Variants in CEP89 observed in about 807,000 individuals in gnomAD.
CEP89 encodes the protein centrosomal protein 89.
CEP89 carries 95 observed loss-of-function variants against 97.6 expected under a neutral mutation model. That is an observed-to-expected ratio of 0.97 (90% confidence interval 0.82 to 1.15). The LOEUF is 1.15. Ranked by LOEUF, CEP89 falls within the 50% of genes most tolerant of loss-of-function variation. CEP89 has a pLI of 0.00. For synonymous variants in CEP89, 354 were observed against 349.1 expected (o/e 1.01, Z -0.16); for missense variants, 869 against 947.7 (o/e 0.92, Z 1.09).
intron 9 of CEP89, among the ~76,000 whole-genome samples, chr19:32,930,220 A>G (rs778798424): frequency 2.6e-5 from 4 of 151,638 alleles, no homozygotes; most frequent in Non-Finnish European, 5.9e-5. Context: ...CATAGATGGG[A>G]ATTCACCATG....
At chr19:32,946,768 T>C (rs6510310) in intron 5 of CEP89, among the ~76,000 whole-genome samples, 137,194 of 152,178 alleles carry the variant, frequency 0.9, 62,025 homozygotes, top group African/African-American at 0.98. Context: ...TCTTGTCTGC[T>C]TCCATGTAAG....
chr19:32,966,585 C>T (rs896450278), intron 1 of CEP89, 119 bp from the exon 2 acceptor site: 1 of 464,134 alleles, frequency 2.2e-6, no homozygotes, highest in Non-Finnish European at 3.7e-6. Flanking sequence ...TGGATCCAAA[C>T]CCATCAGAAG....
chr19:32,957,008 G>A (rs142490631), intron 3 of CEP89, among the ~76,000 whole-genome samples: 3 of 152,268 alleles, frequency 2.0e-5, no homozygotes, highest in African/African-American at 7.2e-5. Flanking sequence ...ATATAGCACT[G>A]AATGCTTTCC....
At chr19:32,926,638 T>G (rs1218051927) in intron 10 of CEP89, among the ~76,000 whole-genome samples, 4 of 152,230 alleles carry the variant, frequency 2.6e-5, no homozygotes, top group Admixed American at 6.5e-5. Context: ...CTCAGCTCAC[T>G]GCAACCTAAA....
At chr19:32,949,412 G>A (rs1970865964) in intron 4 of CEP89, among the ~76,000 whole-genome samples, 1 of 151,778 alleles carries the variant, frequency 6.6e-6, no homozygotes, top group African/African-American at 2.4e-5. Flanking sequence ...TTAAGACATG[G>A]TCTCACTCTG....
intron 14 of CEP89, among the ~76,000 whole-genome samples, chr19:32,913,031 A>C (rs1304871733): frequency 6.7e-6 from 1 of 150,130 alleles, no homozygotes; most frequent in African/African-American, 2.4e-5. Context: ...CGACAGTGAG[A>C]CTCCGTCTCA....
rs527675372 is a variant in CEP89, at chr19:32,915,184, C to T, written c.1565+153G>A. On this transcript the variant is annotated intron_variant, in intron 14 of 18. Transcript: ENST00000305768. ...TCAAAAAGTCATTAAATCAGCTGGG[C>T]GCAGTGGCTCATGCCTGTAATCCCA... 2.4e-4 allele frequency among the ~76,000 whole-genome samples: 36 copies of T among 151,828 alleles called. 1 individual carries two copies. Among genetic ancestry groups the T allele is most frequent in the Non-Finnish European group, 4.6e-4 (31 of 67,964 alleles).
At chr19:32,894,434 C>T (rs1220374902) in intron 16 of CEP89, among the ~76,000 whole-genome samples, 1 of 152,118 alleles carries the variant, frequency 6.6e-6, no homozygotes, top group Non-Finnish European at 1.5e-5. Flanking sequence ...AACAAAAATC[C>T]CTTAATCGTA....
At position 32,905,269 on chromosome 19, in the gene CEP89, G is replaced by GTT. The variant is rs199545380; in HGVS notation, c.1566-3859_1566-3858dup. On this transcript the variant is annotated intron_variant, in intron 14 of 18. Transcript: ENST00000305768. ...TTTAGAATGTTAGAATTTAATAGAA[G>GTT]TTTTACATCTACATTCATAAGTGAA... 6.0e-3 allele frequency among the ~76,000 whole-genome samples: 920 copies of GTT among 152,246 alleles called. 8 individuals carry two copies. Among genetic ancestry groups the GTT allele is most frequent in the African/African-American group, 0.021 (867 of 41,542 alleles).
chr19:32,911,936 A>T (rs1970009360), intron 14 of CEP89, among the ~76,000 whole-genome samples: 1 of 152,098 alleles, frequency 6.6e-6, no homozygotes, highest in African/African-American at 2.4e-5. Flanking sequence ...AAATATAAAA[A>T]CATACAAAAG....
intron 16 of CEP89, among the ~76,000 whole-genome samples, chr19:32,892,934 A>G (rs1969564371): frequency 6.6e-6 from 1 of 152,196 alleles, no homozygotes; most frequent in Admixed American, 6.5e-5. Context: ...GAAGGAACTC[A>G]AATGTTATCA....
intron 1 of CEP89, chr19:32,969,219 C>G (rs373103679): frequency 6.6e-6 from 1 of 152,394 alleles, no homozygotes; most frequent in African/African-American, 2.4e-5. Flanking sequence ...CTCTCTGCAG[C>G]TGGTCATCCT....
intron 16 of CEP89, among the ~76,000 whole-genome samples, chr19:32,892,025 T>C (rs896841653): frequency 3.3e-5 from 5 of 150,850 alleles, no homozygotes; most frequent in Non-Finnish European, 4.4e-5. Context: ...GAAGCTCAGG[T>C]TCCCAAAAAG....
intron 9 of CEP89, among the ~76,000 whole-genome samples, chr19:32,928,372 CCTCT>C (rs1041872468): frequency 6.6e-5 from 10 of 150,996 alleles, no homozygotes; most frequent in African/African-American, 1.7e-4. Flanking sequence ...CTTCCTCCCT[CCTCT>C]CTCTCTCTCT....
chr19:32,877,225 A>G lies in CEP89; in HGVS notation c.*1937T>C, dbSNP rs1330791212. On this transcript the variant is annotated 3_prime_UTR_variant, in exon 19 of 19. Transcript: ENST00000305768. ...GAACAAGCTTATAGAGTCATAAAAG[A>G]ACTATGATTTTCTATCTCACCCTTC... The G allele has an allele frequency of 6.6e-6, 1 of 152,210 alleles. No individual in the cohort carries two copies. Among genetic ancestry groups the G allele is most frequent in the Non-Finnish European group, 1.5e-5 (1 of 68,038 alleles). The allele number at this position is 152,210 out of a possible 1,614,324, so 9.4% of individuals were successfully genotyped here.
At chr19:32,971,675 G>T in intron 1 of CEP89, 161 bp downstream of exon 1, 8 of 634,224 alleles carry the variant, frequency 1.3e-5, no homozygotes, top group Non-Finnish European at 2.2e-5. Flanking sequence ...AAAAAAAAAA[G>T]TTTAGAACAC....
chr19:32,954,726 G>A (rs953307816), intron 3 of CEP89, among the ~76,000 whole-genome samples: 29 of 151,256 alleles, frequency 1.9e-4, no homozygotes, highest in African/African-American at 6.8e-4. Flanking sequence ...GTATAGTAGT[G>A]CAATCTTGGC....
At chr19:32,907,635 A>C (rs889259933) in intron 14 of CEP89, among the ~76,000 whole-genome samples, 2 of 152,176 alleles carry the variant, frequency 1.3e-5, no homozygotes, top group African/African-American at 4.8e-5. Context: ...TATTTTTAGT[A>C]GAGATGGCGT....
chr19:32,940,758 C>A (rs907594233), intron 5 of CEP89, among the ~76,000 whole-genome samples: 2 of 151,304 alleles, frequency 1.3e-5, no homozygotes, highest in Non-Finnish European at 2.9e-5. Flanking sequence ...AGTTGGACAT[C>A]GAGTTGCTTT....
Sources: allele counts gnomAD v4.1 joint callset (sites outside exome capture counted in the v4.1 genomes callset), GRCh38; gene constraint gnomAD v4.1.1; transcripts MANE v1.5; gene names NCBI Gene and HGNC (gene_info 2026-07-23, HGNC 2026-07-21).